LEKR1: variants seen among roughly 807,000 people sequenced by gnomAD.
LEKR1 encodes leucine, glutamate and lysine rich 1, also known as protein LEKR1.
A neutral mutation model predicts 72.4 loss-of-function variants in LEKR1; 59 were observed. That is an observed-to-expected ratio of 0.82 (90% confidence interval 0.66 to 1.01). The LOEUF is 1.01. Among genes scored for constraint, LEKR1 ranks in the 50% least tolerant of loss-of-function variants. The pLI is 0.00. For synonymous variants in LEKR1, 257 were observed against 263.2 expected (o/e 0.98, Z 0.23); for missense variants, 728 against 759.2 (o/e 0.96, Z 0.48).
chr3:156,947,693 A>T (rs546828525), intron 6 of LEKR1, among the ~76,000 whole-genome samples: 2 of 151,178 alleles, frequency 1.3e-5, no homozygotes, highest in Non-Finnish European at 3.0e-5. Context: ...ATATTGAACC[A>T]TAAGTCAGGA....
chr3:156,936,464 C>T (rs1380623116), intron 5 of LEKR1, among the ~76,000 whole-genome samples: 1 of 105,516 alleles, frequency 9.5e-6, no homozygotes, highest in Non-Finnish European at 2.2e-5. Context: ...CACACACACA[C>T]ACCCCCCGTA....
chr3:156,843,709 C>T (rs1560018358), intron 2 of LEKR1, among the ~76,000 whole-genome samples: 2 of 151,906 alleles, frequency 1.3e-5, no homozygotes, highest in Non-Finnish European at 2.9e-5. Flanking sequence ...ACTTAATTTC[C>T]AGGTTATTTT....
At chr3:156,931,242 A>G (rs1055165054) in intron 5 of LEKR1, among the ~76,000 whole-genome samples, 5 of 152,178 alleles carry the variant, frequency 3.3e-5, no homozygotes, top group Non-Finnish European at 7.4e-5. Flanking sequence ...ATCTGAACAG[A>G]CACTTTTACA....
chr3:157,044,340 T>C (rs1443921939), intron 12 of LEKR1, among the ~76,000 whole-genome samples: 2 of 152,214 alleles, frequency 1.3e-5, no homozygotes, highest in African/African-American at 4.8e-5. Context: ...AAGACTTAAT[T>C]CTTACCATGG....
chr3:156,834,034 G>A (rs1016907267), intron 2 of LEKR1, among the ~76,000 whole-genome samples: 2 of 151,648 alleles, frequency 1.3e-5, no homozygotes, highest in African/African-American at 2.4e-5. Flanking sequence ...TTAATGTTAG[G>A]CCCAATTTTT....
intron 11 of LEKR1, among the ~76,000 whole-genome samples, chr3:157,026,119 G>C (rs1734168109): frequency 6.6e-6 from 1 of 151,994 alleles, no homozygotes; most frequent in Non-Finnish European, 1.5e-5. Context: ...TCCTACTGTG[G>C]CAATGGAGCA....
chr3:156,836,361 T>C (rs1047014705), intron 2 of LEKR1, among the ~76,000 whole-genome samples: 1 of 151,698 alleles, frequency 6.6e-6, no homozygotes, highest in Admixed American at 6.6e-5. Flanking sequence ...AATCCCAGGC[T>C]GGCAAAAAGA....
chr3:156,886,915 T>C (rs1720158201), intron 3 of LEKR1, among the ~76,000 whole-genome samples: 1 of 152,192 alleles, frequency 6.6e-6, no homozygotes, highest in African/African-American at 2.4e-5. Flanking sequence ...TGTGTCTTCC[T>C]GGTATGTTCT....
chr3:156,984,054 T>G (rs1208142273), intron 7 of LEKR1, among the ~76,000 whole-genome samples: 1 of 152,212 alleles, frequency 6.6e-6, no homozygotes, highest in African/African-American at 2.4e-5. Context: ...TCCAGGATTG[T>G]AACCATAAAA....
intron 12 of LEKR1, among the ~76,000 whole-genome samples, chr3:157,036,253 A>G (rs921722309): frequency 1.3e-5 from 2 of 152,204 alleles, no homozygotes; most frequent in African/African-American, 4.8e-5. Flanking sequence ...ATAAACAGCC[A>G]GCTATGAAAA....
chr3:156,887,146 G>A (rs1720186867), intron 3 of LEKR1, among the ~76,000 whole-genome samples: 1 of 152,136 alleles, frequency 6.6e-6, no homozygotes, highest in Admixed American at 6.5e-5. Flanking sequence ...TCTGTTCCTG[G>A]AGAATTATTT....
intron 5 of LEKR1, among the ~76,000 whole-genome samples, chr3:156,938,940 C>T (rs1017010008): frequency 3.9e-5 from 6 of 152,094 alleles, no homozygotes; most frequent in African/African-American, 1.2e-4. Flanking sequence ...AAATTGATTG[C>T]GTAAGCTTAA....
chr3:157,009,986 T>C (rs1732759777), intron 9 of LEKR1, among the ~76,000 whole-genome samples: 1 of 152,086 alleles, frequency 6.6e-6, no homozygotes, highest in East Asian at 1.9e-4. Context: ...CATAAAACTG[T>C]TCATAATATT....
intron 2 of LEKR1, among the ~76,000 whole-genome samples, chr3:156,836,024 C>A (rs1713095189): frequency 6.6e-6 from 1 of 151,776 alleles, no homozygotes. Flanking sequence ...CAGGCATGTA[C>A]CACCATGCCT....
intron 10 of LEKR1, among the ~76,000 whole-genome samples, chr3:157,011,977 C>T (rs760103388): frequency 6.6e-5 from 10 of 151,974 alleles, no homozygotes; most frequent in Non-Finnish European, 1.5e-4. Flanking sequence ...CTATTATTTA[C>T]AGAGAAATGT....
At chr3:156,977,343 A>T (rs1469583981) in intron 6 of LEKR1, among the ~76,000 whole-genome samples, 1 of 152,194 alleles carries the variant, frequency 6.6e-6, no homozygotes, top group Non-Finnish European at 1.5e-5. Context: ...AGTACCTGTA[A>T]TTGAATCATA....
At chr3:156,928,324 A>G (rs1560087616) in intron 5 of LEKR1, among the ~76,000 whole-genome samples, 1 of 152,078 alleles carries the variant, frequency 6.6e-6, no homozygotes, top group Non-Finnish European at 1.5e-5. Context: ...TGATTCATCA[A>G]TTGTAACAAG....
At chr3:156,886,559 T>C (rs924879736) in intron 3 of LEKR1, among the ~76,000 whole-genome samples, 1 of 152,166 alleles carries the variant, frequency 6.6e-6, no homozygotes, top group Non-Finnish European at 1.5e-5. Flanking sequence ...CAAGGGTCCC[T>C]GTCAGATACA....
chr3:156,848,950 A>C (rs1714973017), intron 2 of LEKR1, among the ~76,000 whole-genome samples: 1 of 152,188 alleles, frequency 6.6e-6, no homozygotes, highest in Non-Finnish European at 1.5e-5. Flanking sequence ...TCAGTTAGGA[A>C]AAGAGGAAGT....
Sources: allele counts gnomAD v4.1 joint callset (sites outside exome capture counted in the v4.1 genomes callset), GRCh38; gene constraint gnomAD v4.1.1; transcripts MANE v1.5; gene names NCBI Gene and HGNC (gene_info 2026-07-23, HGNC 2026-07-21).